The following PCYOX1 variants were observed in gnomAD, a reference collection of about 807,000 sequenced individuals.
The protein encoded by PCYOX1 is prenylcysteine lyase.
In PCYOX1, 46 loss-of-function variants were observed where a neutral mutation model predicts 46.4. The ratio of observed to expected loss-of-function variants is 0.99; its 90% CI spans 0.78 to 1.27. The LOEUF (loss-of-function observed/expected upper bound fraction) is 1.27, where lower values mean the gene tolerates loss of function less well. PCYOX1 is among the 50% of genes most tolerant of loss of function. PCYOX1 has a pLI of 0.00. For synonymous variants in PCYOX1, 220 were observed against 231.8 expected, an observed-to-expected ratio of 0.95 and a Z score of 0.46; for missense variants, 658 against 628.3, an observed-to-expected ratio of 1.05 and a Z score of -0.51.
rs1481764055 is a variant in PCYOX1 at position 70,279,914 on chromosome 2, T to C, written c.*2522T>C. The C allele has an allele frequency of 6.6e-6, 1 of 152,070 alleles. No individual in the cohort carries two copies. Among genetic ancestry groups the C allele is most frequent in the Non-Finnish European group, 1.5e-5 (1 of 68,048 alleles). The allele number at this position is 152,070 out of a possible 1,614,324, so 9.4% of individuals were successfully genotyped here. On this transcript the variant is annotated 3_prime_UTR_variant, in exon 6 of 6. Transcript: ENST00000433351. ...GGCCAACATGGTGAAACCCTGTCTT[T>C]ACTAAAAATACAAAAATTAGCCAGG...
intron 3 of PCYOX1, among the ~76,000 whole-genome samples, chr2:70,270,215 T>C (rs537502315): frequency 6.6e-6 from 1 of 152,224 alleles, no homozygotes; most frequent in South Asian, 2.1e-4. Context: ...AGGCTGGTCT[T>C]GAACTCCTGA....
Position 70,261,207 on chromosome 2 carries a change from T to C in PCYOX1, c.320-5T>C. The C allele has an allele frequency of 6.2e-7, 1 of 1,601,732 alleles. No homozygotes were observed. Among genetic ancestry groups the C allele is most frequent in the Non-Finnish European group, 8.5e-7 (1 of 1,169,682 alleles). The stretch of plus-strand genomic sequence containing the variant: ...CTGACTTAGCTGTGCTTTATGTTTT[T>C]GCAGGTCTCTCTGCTGTTCAGGCCT... On this transcript the variant is annotated splice_region_variant and splice_polypyrimidine_tract_variant and intron_variant, in intron 2 of 5. Transcript: ENST00000433351.
chr2:70,260,886 A>G (rs911993376), intron 2 of PCYOX1, among the ~76,000 whole-genome samples: 3 of 152,134 alleles, frequency 2.0e-5, no homozygotes, highest in Non-Finnish European at 2.9e-5. Context: ...CATGTCTGAC[A>G]TCTTTGTTTT....
chr2:70,259,531 T>C lies in PCYOX1; in HGVS notation c.284T>C (p.Leu95Ser), dbSNP rs751996113. 3 of 1,613,980 alleles carry C rather than the reference T, an allele frequency of 1.9e-6. No individual in the cohort carries two copies. Among genetic ancestry groups the C allele is most frequent in the Non-Finnish European group, 2.5e-6 (3 of 1,180,018 alleles). The stretch of plus-strand genomic sequence containing the variant: ...GCAGGAGGTTCTGTCATCCATCCTT[T>C]AAATCTGCACATGAAACGTTTTGTC... The part of the protein sequence containing the change: ...YEAGGSVIHP[L>S]NLHMKRFVKD... The change falls in exon 2 of 6, where the codon TTA becomes TCA. Residue 95 changes from leucine to serine, a missense_variant. Physicochemically the swap from Leu to Ser is moderately radical, Grantham distance 145. Transcript: ENST00000433351.
chr2:70,258,090 G>T, upstream of PCYOX1: 1 of 1,266,652 alleles, frequency 7.9e-7, no homozygotes, highest in Non-Finnish European at 1.1e-6. Flanking sequence ...GGGCGGGGCT[G>T]GGCGGAGCGC....
chr2:70,275,767 A>G (rs1326179536), intron 5 of PCYOX1, 101 bp downstream of exon 5: 1 of 1,129,108 alleles, frequency 8.9e-7, no homozygotes, highest in African/African-American at 1.6e-5. Flanking sequence ...TTCTAAAATG[A>G]TGAAACTTGA....
At chr2:70,258,893 C>G (rs1361517887) in intron 1 of PCYOX1, among the ~76,000 whole-genome samples, 1 of 152,240 alleles carries the variant, frequency 6.6e-6, no homozygotes, top group East Asian at 1.9e-4. Flanking sequence ...GGAGCCTTGG[C>G]TCTTTGCTTC....
chr2:70,272,588 C>T (rs1696617248), intron 3 of PCYOX1, among the ~76,000 whole-genome samples: 1 of 152,088 alleles, frequency 6.6e-6, no homozygotes, highest in Non-Finnish European at 1.5e-5. Flanking sequence ...GCCTTGTGCC[C>T]CTGGGCTTAA....
At chr2:70,276,475 A>G (rs1332495767) in intron 5 of PCYOX1, among the ~76,000 whole-genome samples, 1 of 152,116 alleles carries the variant, frequency 6.6e-6, no homozygotes, top group Non-Finnish European at 1.5e-5. Flanking sequence ...CAAAGTGCTG[A>G]GATTACAGGT....
chr2:70,263,131 G>C (rs1330944563), intron 3 of PCYOX1, among the ~76,000 whole-genome samples: 3 of 151,884 alleles, frequency 2.0e-5, no homozygotes, highest in Admixed American at 6.6e-5. Context: ...CTACTTGTGA[G>C]CCTGAGGCAG....
intron 3 of PCYOX1, among the ~76,000 whole-genome samples, chr2:70,267,674 AGGCACTT>A (rs1269099130): frequency 1.3e-5 from 2 of 151,828 alleles, no homozygotes; most frequent in African/African-American, 2.4e-5. Flanking sequence ...CTGCAATCCC[AGGCACTT>A]GGCAGGCTGA....
At position 70,263,188 on chromosome 2, in the gene PCYOX1, C is replaced by G. The variant is rs148712822; in HGVS notation, c.494+1802C>G. ...GGCAGAGGTTGCAGTGAGCCACGAT[C>G]GTGCCATTACACTCTAGCCTGGGGG... is the stretch of plus-strand genomic sequence containing the variant. On this transcript the variant is annotated intron_variant, in intron 3 of 5. Coordinates refer to ENST00000433351, the MANE Select transcript of PCYOX1 (RefSeq NM_016297.4). Among the ~76,000 whole-genome samples, 3 of 150,830 alleles carry G rather than the reference C, an allele frequency of 2.0e-5. No individual in the cohort carries two copies. In the East Asian group the frequency reaches 5.8e-4, roughly 29 times the overall value.
chr2:70,271,561 A>G (rs1696601423), intron 3 of PCYOX1, among the ~76,000 whole-genome samples: 1 of 152,260 alleles, frequency 6.6e-6, no homozygotes, highest in Admixed American at 6.5e-5. Context: ...AAACTCAGCG[A>G]TAATTTACCA....
At chr2:70,270,853 C>T (rs1445527765) in intron 3 of PCYOX1, among the ~76,000 whole-genome samples, 1 of 151,834 alleles carries the variant, frequency 6.6e-6, no homozygotes, top group Non-Finnish European at 1.5e-5. Context: ...CTCCTCGGCT[C>T]ACCTTGGCTC....
chr2:70,259,177 G>A (rs1374630443), intron 1 of PCYOX1, among the ~76,000 whole-genome samples, 183 bp from the exon 2 acceptor site: 1 of 152,164 alleles, frequency 6.6e-6, no homozygotes, highest in Admixed American at 6.5e-5. Context: ...GCTTTTGTCT[G>A]GGAACAGTGT....
chr2:70,275,991 T>G (rs1420124315), intron 5 of PCYOX1, among the ~76,000 whole-genome samples: 1 of 149,416 alleles, frequency 6.7e-6, no homozygotes, highest in Non-Finnish European at 1.5e-5. Context: ...TCCCAGCTAC[T>G]CGGGAGGCTG....
At position 70,261,326 on chromosome 2, in the gene PCYOX1, A is replaced by T. The variant is rs774207031; in HGVS notation, c.434A>T (p.Tyr145Phe). The change falls in exon 3 of 6, where the codon TAT (tyrosine) becomes TTT (phenylalanine). Residue 145 changes from tyrosine to phenylalanine, a missense_variant. By Grantham distance (22) the Tyr-to-Phe change is conservative. Transcript: ENST00000433351. The stretch of plus-strand genomic sequence containing the variant: ...AACGTGATTAAATTAGTTTGGCGCT[A>T]TGGATTTCAATCCCTCCGTATGCAC... Reference protein sequence around the residue: ...IINVIKLVWRYGFQSLRMHMW... With the variant: ...IINVIKLVWRFGFQSLRMHMW... 1 of 1,612,860 alleles carries T rather than the reference A, an allele frequency of 6.2e-7. No homozygotes were observed. Among genetic ancestry groups the T allele is most frequent in the East Asian group, 2.2e-5 (1 of 44,868 alleles).
rs374086458 is a variant in PCYOX1, at chr2:70,271,234, A to ATT, written c.495-3707_495-3706dup. On this transcript the variant is annotated intron_variant, in intron 3 of 5. Coordinates refer to ENST00000433351, the MANE Select transcript of PCYOX1 (RefSeq NM_016297.4). The stretch of plus-strand genomic sequence containing the variant: ...AGGCATGCCTCACCATGCCTGGCTA[A>ATT]TTTTTTTTTTTTTTTTTTTCTGTAA... Among the ~76,000 whole-genome samples the ATT allele has an allele frequency of 1.6e-4, 20 of 127,850 alleles. 1 individual carries two copies. The highest frequency in any genetic ancestry group is 8.9e-4 in the East Asian group (4 of 4,484). 83.9% of individuals were successfully genotyped at this position (127,850 alleles called of 152,430 possible).
At chr2:70,274,617 G>T in intron 3 of PCYOX1, 1 of 199,292 alleles carries the variant, frequency 5.0e-6, no homozygotes, top group Non-Finnish European at 1.0e-5. Context: ...AGGCTGGAGT[G>T]CAGCGGCATT....
Sources: gnomAD v4.1 joint callset for allele counts (sites outside exome capture counted in the v4.1 genomes callset) on GRCh38, gnomAD v4.1.1 for gene constraint, MANE v1.5 for transcripts, NCBI Gene and HGNC (gene_info 2026-07-23, HGNC 2026-07-21) for gene names.